TRAFD1: variants seen among roughly 807,000 people sequenced by gnomAD.
The protein encoded by TRAFD1 is TRAF-type zinc finger domain-containing protein 1.
TRAFD1 carries 38 observed loss-of-function variants against 65.3 expected under a neutral mutation model. That is an observed-to-expected ratio of 0.58 (90% confidence interval 0.45 to 0.76). The LOEUF is 0.76. TRAFD1 is among the 30% of genes least tolerant of loss of function. The pLI is 0.00. For missense variants in TRAFD1, 631 were observed against 712.6 expected (o/e 0.89, Z 1.30); for synonymous variants, 223 against 257.2 (o/e 0.87, Z 1.27).
Position 112,137,775 on chromosome 12 carries a change from A to G in TRAFD1, c.237+2709A>G. ...AGACTCCGTCTAAAAAAATAAATAA[A>G]TAAAAATAAATAAATAAAAATCCAA... On this transcript the variant is annotated intron_variant, in intron 4 of 11. Coordinates refer to ENST00000412615, the MANE Select transcript of TRAFD1 (RefSeq NM_006700.3). The surrounding 1 kb of genome is among the most constrained non-coding windows in gnomAD (Gnocchi z 4.2). 6.6e-6 allele frequency among the ~76,000 whole-genome samples: 1 copy of G among 152,190 alleles called. No homozygotes were observed.
In TRAFD1 at chr12:112,141,013, T is replaced by C; in HGVS notation, c.432T>C (p.Asn144=). 1 of 1,614,180 alleles carries C rather than the reference T, an allele frequency of 6.2e-7. No individual in the cohort carries two copies. The highest frequency in any genetic ancestry group is 8.5e-7 in the Non-Finnish European group (1 of 1,180,028). ...VCGREGEEKR[N]EVAIPPNAYD... Reference sequence around the variant, plus strand: ...GGAGAGAGGGGGAGGAAAAGAGAAATGAGGTTGCCATACCTCCTAATGCAT... The same window carrying C: ...GGAGAGAGGGGGAGGAAAAGAGAAACGAGGTTGCCATACCTCCTAATGCAT... Residue 144 remains asparagine (N), a synonymous_variant, in exon 5 of 12, where the codon AAT becomes AAC. Transcript: ENST00000412615.
At chr12:112,142,957 G>A (rs1303077925) in intron 6 of TRAFD1, among the ~76,000 whole-genome samples, 1 of 138,634 alleles carries the variant, frequency 7.2e-6, no homozygotes, top group African/African-American at 2.7e-5. Flanking sequence ...TGCTCTTGTT[G>A]CCCAGGTTGG....
chr12:112,148,454 G>C (rs1172399061), intron 8 of TRAFD1, 150 bp downstream of exon 8: 3 of 679,980 alleles, frequency 4.4e-6, no homozygotes, highest in South Asian at 1.9e-5. Context: ...TTTGTGAGCT[G>C]TCTGTGGTAA....
At chr12:112,134,096 C>T (rs145588636) in intron 2 of TRAFD1, among the ~76,000 whole-genome samples, 144 of 142,176 alleles carry the variant, frequency 1.0e-3, no homozygotes, top group African/African-American at 3.2e-3. Context: ...CTGCATCTTC[C>T]GCCTCCCGGG....
At chr12:112,134,200 G>C (rs1375896463) in intron 2 of TRAFD1, among the ~76,000 whole-genome samples, 1 of 151,648 alleles carries the variant, frequency 6.6e-6, no homozygotes, top group Non-Finnish European at 1.5e-5. Flanking sequence ...AGTAGAGACG[G>C]GGTTTCACCA....
At chr12:112,139,339 T>G (rs2030017331) in intron 4 of TRAFD1, among the ~76,000 whole-genome samples, 1 of 151,560 alleles carries the variant, frequency 6.6e-6, no homozygotes, top group Non-Finnish European at 1.5e-5. Context: ...GACACTGAGA[T>G]CCTGTCTCAA....
rs2079560618 is a variant in TRAFD1 at position 112,130,161 on chromosome 12, C to T, written c.-12-350C>T. ...TTTTTTGTATTTTTTGTAGACATGA[C>T]GTTACCCCATGTTGTGGCCAGGTTG... On this transcript the variant is annotated intron_variant, in intron 1 of 11. Coordinates refer to ENST00000412615, the MANE Select transcript of TRAFD1 (RefSeq NM_006700.3). The surrounding 1 kb of genome is among the most constrained non-coding windows in gnomAD (Gnocchi z 4.4). Among the ~76,000 whole-genome samples, 2 of 148,458 alleles carry T rather than the reference C, an allele frequency of 1.3e-5. No homozygotes were observed. Among genetic ancestry groups the T allele is most frequent in the African/African-American group, 2.5e-5 (1 of 40,044 alleles).
intron 6 of TRAFD1, among the ~76,000 whole-genome samples, chr12:112,143,120 C>T (rs1227781243): frequency 1.3e-5 from 2 of 151,868 alleles, no homozygotes; most frequent in Admixed American, 6.6e-5. Flanking sequence ...TCCTCTGTTG[C>T]CCAGGCTGGA....
In TRAFD1 at chr12:112,125,584, A is replaced by G. The variant is rs2079531170; in HGVS notation, c.-47A>G. The G allele has an allele frequency of 6.6e-6, 1 of 152,484 alleles. No homozygotes were observed. The highest frequency in any genetic ancestry group is 1.5e-5 in the Non-Finnish European group (1 of 68,246). The allele number at this position is 152,484 out of a possible 1,614,324, so 9.4% of individuals were successfully genotyped here. On this transcript the variant is annotated 5_prime_UTR_variant, in exon 1 of 12. Transcript: ENST00000412615. ...CAGAGGAGGCTCCGTGTCTGCAGCT[A>G]GTGTGTCAACTCAGCGTTTCTCCTC...
chr12:112,138,071 A>G (rs1163406154), intron 4 of TRAFD1, among the ~76,000 whole-genome samples: 2 of 151,956 alleles, frequency 1.3e-5, no homozygotes, highest in Non-Finnish European at 2.9e-5. Flanking sequence ...TGAGACCCCT[A>G]TCTCTACAAA....
At position 112,148,183 on chromosome 12, in the gene TRAFD1, C is replaced by T; in HGVS notation, c.1037C>T (p.Ala346Val). Reference protein sequence around the residue: ...VIFQNFLQQAASNQLDSLMGL... With the variant: ...VIFQNFLQQAVSNQLDSLMGL... ...TTCCAGAACTTCTTGCAACAGGCTG[C>T]AAGTAACCAGTTAGACTCTTTGATG... The change falls in exon 8 of 12, where the codon GCA becomes GTA. Residue 346 changes from alanine to valine, a missense_variant. Coordinates refer to ENST00000412615, the MANE Select transcript of TRAFD1 (RefSeq NM_006700.3). The T allele has an allele frequency of 1.2e-6, 2 of 1,614,192 alleles. No individual in the cohort carries two copies. The highest frequency in any genetic ancestry group is 2.2e-5 in the South Asian group (2 of 91,080).
chr12:112,132,509 A>G (rs2079571415), intron 2 of TRAFD1, among the ~76,000 whole-genome samples: 1 of 152,220 alleles, frequency 6.6e-6, no homozygotes, highest in South Asian at 2.1e-4. Context: ...TAGTTTCCTT[A>G]GAAAGCTAAA....
In TRAFD1 at chr12:112,141,103, T is replaced by C. The variant is rs1213450991; in HGVS notation, c.522T>C (p.Ala174=). 1.2e-6 allele frequency: 2 copies of C among 1,614,178 alleles called. No homozygotes were observed. Among genetic ancestry groups the C allele is most frequent in the Admixed American group, 3.3e-5 (2 of 60,014 alleles). The part of the protein sequence containing the change: ...IASQLLRQIE[A]LDPPMRLPRR... ...CCCAACTCCTCAGACAAATTGAGGC[T>C]CTGGACCCACCCATGAGGCTGCCGC... The change falls in exon 5 of 12, where the codon GCT becomes GCC. Residue 174 remains alanine (A), a synonymous_variant. Coordinates refer to ENST00000412615, the MANE Select transcript of TRAFD1 (RefSeq NM_006700.3).
chr12:112,153,115 G>T lies in TRAFD1; in HGVS notation c.*324G>T, dbSNP rs2030454533. ...CCCTTGGTGCTGTGTGGTCCCAGTG[G>T]AAGGAGGGGAAGATTTTGGAAACCT... On this transcript the variant is annotated 3_prime_UTR_variant, in exon 12 of 12. Transcript: ENST00000412615. 7.7e-6 allele frequency: 2 copies of T among 258,330 alleles called. No individual in the cohort carries two copies. Among genetic ancestry groups the T allele is most frequent in the Non-Finnish European group, 7.4e-6 (1 of 134,840 alleles). 16.0% of individuals were successfully genotyped at this position (258,330 alleles called of 1,614,324 possible).
chr12:112,138,384 T>C (rs2029977187), intron 4 of TRAFD1, among the ~76,000 whole-genome samples: 1 of 151,910 alleles, frequency 6.6e-6, no homozygotes, highest in South Asian at 2.1e-4. Flanking sequence ...ACCCCATCTC[T>C]ACTAAAAATA....
chr12:112,144,284 TC>T (rs1566050243), intron 6 of TRAFD1, among the ~76,000 whole-genome samples: 1 of 150,910 alleles, frequency 6.6e-6, no homozygotes. Context: ...TTTTTTTTTT[TC>T]TTGAGACAGA....
At position 112,152,068 on chromosome 12, in the gene TRAFD1, C is replaced by G; in HGVS notation, c.1547C>G (p.Pro516Arg). 2 of 1,614,202 alleles carry G rather than the reference C, an allele frequency of 1.2e-6. No homozygotes were observed. Among genetic ancestry groups the G allele is most frequent in the Non-Finnish European group, 1.7e-6 (2 of 1,180,014 alleles). ...IAPGHVSVIR[P>R]PQNLYPENIV... ...CCTGGGCACGTTTCAGTGATTCGCC[C>G]TCCTCAAAATCTCTACCCAGAAAAC... The change falls in exon 10 of 12, where the codon CCT becomes CGT. Residue 516 changes from proline (P) to arginine (R), a missense_variant. Pro to Arg is a moderately radical substitution (Grantham distance 103, BLOSUM62 -2). Coordinates refer to ENST00000412615, the MANE Select transcript of TRAFD1 (RefSeq NM_006700.3). This position sits in a 1 kb window ranked among gnomAD's most constrained non-coding sequence, Gnocchi z 5.0.
intron 4 of TRAFD1, among the ~76,000 whole-genome samples, chr12:112,139,258 G>C (rs562665128): frequency 6.6e-6 from 1 of 152,080 alleles, no homozygotes; most frequent in African/African-American, 2.4e-5. Context: ...GCTGAGGTGG[G>C]AGGATTGCTT....
intron 6 of TRAFD1, among the ~76,000 whole-genome samples, chr12:112,143,295 T>G (rs963595249): frequency 6.6e-6 from 1 of 152,166 alleles, no homozygotes; most frequent in African/African-American, 2.4e-5. Flanking sequence ...TAGCCAGGAT[T>G]GTCTCGATCT....
Sources: gnomAD v4.1 joint callset for allele counts (sites outside exome capture counted in the v4.1 genomes callset) on GRCh38, gnomAD v4.1.1 for gene constraint, Gnocchi (gnomAD v3.1) non-coding constraint, MANE v1.5 for transcripts, NCBI Gene and HGNC (gene_info 2026-07-23, HGNC 2026-07-21) for gene names.